The following LYZL2 variants were observed in gnomAD, a reference collection of about 807,000 sequenced individuals.
LYZL2 encodes the protein lysozyme like 2.
In LYZL2, 13 loss-of-function variants were observed where a neutral mutation model predicts 17.1. The ratio of observed to expected loss-of-function variants is 0.76; its 90% CI spans 0.49 to 1.21. The LOEUF (loss-of-function observed/expected upper bound fraction) is 1.21. Ranked by LOEUF, LYZL2 falls within the 50% of genes most tolerant of loss-of-function variation. The pLI is 0.00. For synonymous variants in LYZL2, 63 were observed against 74.4 expected, an observed-to-expected ratio of 0.85 and a Z score of 0.79; for missense variants, 166 against 189.2, an observed-to-expected ratio of 0.88 and a Z score of 0.72.
Position 30,612,914 on chromosome 10 carries a change from G to A in LYZL2, c.299-14C>T. ...CAGTGACCAAGGCTGTAAAAAGAGA[G>A]GTCATCAGGGTTAGGCGAGACTTTG... is the stretch of plus-strand genomic sequence containing the variant. On this transcript the variant is annotated splice_polypyrimidine_tract_variant and intron_variant, in intron 3 of 4. Transcript: ENST00000647634. 5.6e-6 allele frequency: 9 copies of A among 1,609,392 alleles called. No homozygotes were observed. Among genetic ancestry groups the A allele is most frequent in the Non-Finnish European group, 7.7e-6 (9 of 1,175,770 alleles).
chr10:30,620,381 T>C (rs139857282), intron 3 of LYZL2, among the ~76,000 whole-genome samples: 19 of 152,360 alleles, frequency 1.2e-4, no homozygotes, highest in African/African-American at 4.3e-4. Context: ...CCAGTCTTTG[T>C]TGTCCAATCT....
chr10:30,618,011 A>G (rs933298309), intron 3 of LYZL2, among the ~76,000 whole-genome samples: 15 of 152,018 alleles, frequency 9.9e-5, no homozygotes, highest in Admixed American at 8.5e-4. Flanking sequence ...AAAAATCACA[A>G]GCATTCTTAT....
chr10:30,626,218 T>G lies in LYZL2; in HGVS notation c.185A>C (p.Gln62Pro), dbSNP rs751104968. The change falls in exon 3 of 5, where the codon CAG becomes CCG. Residue 62 changes from glutamine (Q) to proline (P), a missense_variant. Physicochemically the swap from Gln to Pro is moderately conservative, Grantham distance 76. Coordinates refer to ENST00000647634, the MANE Select transcript of LYZL2 (RefSeq NM_183058.3). ...YYESGYNTTA[Q>P]TVLDDGSIDY... Reference sequence around the variant, plus strand: ...GATGCTGCCGTCATCCAGGACCGTCTGGGCTGTGGTGTTGTAGCCGCTCTC... The same window carrying G: ...GATGCTGCCGTCATCCAGGACCGTCGGGGCTGTGGTGTTGTAGCCGCTCTC... 2.2e-5 allele frequency: 35 copies of G among 1,614,122 alleles called. No individual in the cohort carries two copies. The highest frequency in any genetic ancestry group is 5.0e-5 in the Admixed American group (3 of 60,006).
Position 30,623,806 on chromosome 10 carries a change from C to T in LYZL2, c.298+2299G>A, listed in dbSNP as rs757611500. Among the ~76,000 whole-genome samples, 6 of 152,078 alleles carry T rather than the reference C, an allele frequency of 3.9e-5. No homozygotes were observed. In the South Asian group the frequency reaches 6.2e-4, roughly 16 times the overall value. On this transcript the variant is annotated intron_variant, in intron 3 of 4. Coordinates refer to ENST00000647634, the MANE Select transcript of LYZL2 (RefSeq NM_183058.3). ...AATAAAGTGGACAATAAGTGTAATG[C>T]GCTTGAATCATCCTGAAACCATCCT...
In LYZL2 at chr10:30,624,965, G is replaced by A. The variant is rs139652799; in HGVS notation, c.298+1140C>T. 3.1e-3 allele frequency among the ~76,000 whole-genome samples: 474 copies of A among 152,322 alleles called. 2 individuals are homozygous for A. Among genetic ancestry groups the A allele is most frequent in the Middle Eastern group, 0.01 (3 of 294 alleles). On this transcript the variant is annotated intron_variant, in intron 3 of 4. Transcript: ENST00000647634. Reference sequence around the variant, plus strand: ...GTGAAGATGGAGTAAGGGGCCATGAGTCAAGGGGTGTGAGTGGTCCCTAGA... The same window carrying A: ...GTGAAGATGGAGTAAGGGGCCATGAATCAAGGGGTGTGAGTGGTCCCTAGA...
At chr10:30,614,158 T>C (rs1288307997) in intron 3 of LYZL2, among the ~76,000 whole-genome samples, 1 of 152,218 alleles carries the variant, frequency 6.6e-6, no homozygotes, top group African/African-American at 2.4e-5. Flanking sequence ...ACAAAACAAG[T>C]TCAACATTAC....
chr10:30,612,747 C>T lies in LYZL2; in HGVS notation c.377+75G>A, dbSNP rs1299862328. The T allele has an allele frequency of 3.8e-5, 45 of 1,188,354 alleles. No individual in the cohort carries two copies. The East Asian group carries it at 9.6e-4, about 25-fold the overall frequency. The allele number at this position is 1,188,354 out of a possible 1,614,324, so 73.6% of individuals were successfully genotyped here. On this transcript the variant is annotated intron_variant, in intron 4 of 4. Transcript: ENST00000647634. ...CTCTGCGGAGGTGAGTTTGTCAATT[C>T]CACCATAACTGTGATAAATACACAC...
chr10:30,609,966 G>T (rs1373918107), downstream of LYZL2, among the ~76,000 whole-genome samples: 1 of 152,162 alleles, frequency 6.6e-6, no homozygotes, highest in Non-Finnish European at 1.5e-5. Flanking sequence ...AGCACACCCA[G>T]TGCCCTTTCA....
intron 1 of LYZL2, among the ~76,000 whole-genome samples, chr10:30,628,901 T>C (rs980548872): frequency 1.3e-5 from 2 of 152,228 alleles, no homozygotes; most frequent in Non-Finnish European, 2.9e-5. Flanking sequence ...TATTGAAACA[T>C]AGCTACTCTC....
At chr10:30,609,593 C>G (rs1188209266), downstream of LYZL2, among the ~76,000 whole-genome samples, 2 of 152,312 alleles carry the variant, frequency 1.3e-5, no homozygotes, top group East Asian at 3.9e-4. Context: ...TGAGTCCCCA[C>G]AGAAAGCATG....
chr10:30,609,754 A>G (rs1368575729), downstream of LYZL2, among the ~76,000 whole-genome samples: 1 of 152,206 alleles, frequency 6.6e-6, no homozygotes, highest in Non-Finnish European at 1.5e-5. Context: ...TCTAAAATAT[A>G]CTTCTGTTGA....
chr10:30,611,759 A>G, downstream of LYZL2: 1 of 747,160 alleles, frequency 1.3e-6, no homozygotes. Context: ...GAAAGGAAAG[A>G]AAGAGAAAAG....
chr10:30,627,660 C>T (rs934013771), intron 1 of LYZL2, among the ~76,000 whole-genome samples: 28 of 152,134 alleles, frequency 1.8e-4, no homozygotes, highest in South Asian at 4.2e-4. Flanking sequence ...ATTGGCTGTT[C>T]ATGTTATTGG....
At chr10:30,620,459 A>G (rs1838602827) in intron 3 of LYZL2, among the ~76,000 whole-genome samples, 1 of 152,158 alleles carries the variant, frequency 6.6e-6, no homozygotes, top group African/African-American at 2.4e-5. Context: ...CTAACTTTCA[A>G]AATAGTCTTT....
intron 3 of LYZL2, among the ~76,000 whole-genome samples, chr10:30,625,408 G>T (rs1348568126): frequency 6.6e-6 from 1 of 152,098 alleles, no homozygotes. Flanking sequence ...CCTCACATCT[G>T]CAAAGTCCCT....
At chr10:30,622,184 A>G (rs1838632179) in intron 3 of LYZL2, among the ~76,000 whole-genome samples, 1 of 152,194 alleles carries the variant, frequency 6.6e-6, no homozygotes, top group Non-Finnish European at 1.5e-5. Flanking sequence ...AATTCAAAAG[A>G]AGGCAGAAAA....
intron 1 of LYZL2, among the ~76,000 whole-genome samples, chr10:30,628,121 C>T (rs646492): frequency 0.98 from 149,836 of 152,136 alleles, 73,792 homozygotes; most frequent in East Asian, 1. Context: ...GATTGCGCCA[C>T]TGCACTCCAG....
chr10:30,617,591 C>T (rs981594876), intron 3 of LYZL2, among the ~76,000 whole-genome samples: 5 of 130,682 alleles, frequency 3.8e-5, no homozygotes, highest in African/African-American at 1.4e-4. Flanking sequence ...AGGAGAATTG[C>T]TTGAACCCTG....
intron 1 of LYZL2, among the ~76,000 whole-genome samples, chr10:30,627,892 G>A (rs1166282917): frequency 2.0e-5 from 3 of 152,242 alleles, no homozygotes; most frequent in African/African-American, 4.8e-5. Context: ...AGGCGCGGTG[G>A]CTCACGCCTG....
Sources: gnomAD v4.1 joint callset for allele counts (sites outside exome capture counted in the v4.1 genomes callset) on GRCh38, gnomAD v4.1.1 for gene constraint, MANE v1.5 for transcripts, NCBI Gene and HGNC (gene_info 2026-07-23, HGNC 2026-07-21) for gene names.